The following USP34 variants were observed in gnomAD, a reference collection of about 807,000 sequenced individuals.
USP34 encodes the protein ubiquitin specific peptidase 34, also known as ubiquitin carboxyl-terminal hydrolase 34.
A neutral mutation model predicts 460.3 loss-of-function variants in USP34; 70 were observed. That is an observed-to-expected ratio of 0.15 (90% CI 0.13 to 0.19). USP34 has a LOEUF of 0.19. Among genes scored for constraint, USP34 ranks in the 10% least tolerant of loss-of-function variants. The pLI is 1.00. For missense variants in USP34, 3,985 were observed against 4,236.2 expected (o/e 0.94, Z 1.65); for synonymous variants, 1,647 against 1,405.3 (o/e 1.17, Z -3.85).
At chr2:61,396,940 C>T (rs1693548937) in intron 3 of USP34, among the ~76,000 whole-genome samples, 1 of 152,118 alleles carries the variant, frequency 6.6e-6, no homozygotes, top group South Asian at 2.1e-4. Flanking sequence ...TTTAAGGTTA[C>T]ATCTTTAAAA....
At chr2:61,301,263 A>C in intron 28 of USP34, 91 bp downstream of exon 28, 1 of 1,515,934 alleles carries the variant, frequency 6.6e-7, no homozygotes, top group Non-Finnish European at 9.0e-7. Context: ...ATAACAAAGC[A>C]ATAAGAGCTG....
intron 48 of USP34, among the ~76,000 whole-genome samples, chr2:61,252,563 G>A (rs1162399185): frequency 1.3e-5 from 2 of 152,140 alleles, no homozygotes; most frequent in African/African-American, 4.8e-5. Context: ...AATATCAAAC[G>A]AGAATTTATT....
At chr2:61,468,432 C>A (rs539529929) in intron 1 of USP34, among the ~76,000 whole-genome samples, 4 of 152,358 alleles carry the variant, frequency 2.6e-5, no homozygotes, top group Admixed American at 2.0e-4. Flanking sequence ...ATCCGCCAAC[C>A]TTGGCCTCGC....
intron 8 of USP34, among the ~76,000 whole-genome samples, chr2:61,374,450 T>C (rs1692729311): frequency 6.6e-6 from 1 of 152,204 alleles, no homozygotes; most frequent in African/African-American, 2.4e-5. Context: ...GGCATTTTCA[T>C]AGGCACTCAC....
chr2:61,403,647 A>G (rs1466953719), intron 3 of USP34, among the ~76,000 whole-genome samples: 4 of 152,146 alleles, frequency 2.6e-5, no homozygotes, highest in African/African-American at 9.7e-5. Context: ...CTGCTTTTAA[A>G]CACTCTTTCT....
At chr2:61,445,574 C>T (rs903209381) in intron 1 of USP34, among the ~76,000 whole-genome samples, 3 of 150,298 alleles carry the variant, frequency 2.0e-5, no homozygotes, top group Admixed American at 6.7e-5. Flanking sequence ...AAAATGATCC[C>T]GGATGAAAGC....
At chr2:61,194,890 T>C (rs1007059999) in intron 75 of USP34, among the ~76,000 whole-genome samples, 2 of 149,402 alleles carry the variant, frequency 1.3e-5, no homozygotes, top group Non-Finnish European at 3.0e-5. Context: ...CAGGCGGAGG[T>C]TGCGGTGAGC....
At chr2:61,460,074 C>T (rs992213121) in intron 1 of USP34, among the ~76,000 whole-genome samples, 1 of 152,074 alleles carries the variant, frequency 6.6e-6, no homozygotes, top group Non-Finnish European at 1.5e-5. Context: ...AAAAAAGATA[C>T]TTGAAAACAG....
chr2:61,274,669 A>G (rs1459340806), intron 41 of USP34, among the ~76,000 whole-genome samples: 1 of 152,224 alleles, frequency 6.6e-6, no homozygotes, highest in African/African-American at 2.4e-5. Context: ...CTTTGCACCT[A>G]TCAGACTGGT....
At chr2:61,363,411 T>C (rs1692331190) in intron 10 of USP34, among the ~76,000 whole-genome samples, 1 of 152,188 alleles carries the variant, frequency 6.6e-6, no homozygotes, top group South Asian at 2.1e-4. Context: ...AAATGCCCTC[T>C]TGTGAACATC....
intron 23 of USP34, 101 bp downstream of exon 23, chr2:61,317,553 G>T: frequency 1.0e-6 from 1 of 994,406 alleles, no homozygotes. Context: ...CACTGCACAG[G>T]TAGTAAATTC....
In USP34 at chr2:61,428,033, C is replaced by T. The variant is rs532090533; in HGVS notation, c.44-7200G>A. On this transcript the variant is annotated intron_variant, in intron 1 of 79. Transcript: ENST00000398571. Reference sequence around the variant, plus strand: ...CAAAAAAACTAGCCGGGCATGGTGGCGTGTGCCTGTAGTCCCAGCTACTTG... The same window carrying T: ...CAAAAAAACTAGCCGGGCATGGTGGTGTGTGCCTGTAGTCCCAGCTACTTG... Among the ~76,000 whole-genome samples, 7 of 151,958 alleles carry T rather than the reference C, an allele frequency of 4.6e-5. No individual in the cohort carries two copies. The East Asian group carries it at 5.8e-4, about 13-fold the overall frequency.
chr2:61,288,548 C>G (rs772004475), intron 34 of USP34, 129 bp downstream of exon 34: 1 of 915,930 alleles, frequency 1.1e-6, no homozygotes, highest in Admixed American at 2.2e-5. Flanking sequence ...TGCTTTAAAA[C>G]AATGCCGTCA....
At chr2:61,311,734 A>C in intron 26 of USP34, 47 bp from the exon 27 acceptor site, 1 of 1,610,200 alleles carries the variant, frequency 6.2e-7, no homozygotes. Flanking sequence ...AAGAACAGAT[A>C]TTTGACCTGG....
At position 61,343,921 on chromosome 2, in the gene USP34, T is replaced by C. The variant is rs1337999024; in HGVS notation, c.2394A>G (p.Gly798=). 5.0e-6 allele frequency: 8 copies of C among 1,613,888 alleles called. No individual in the cohort carries two copies. The highest frequency in any genetic ancestry group is 1.3e-5 in the African/African-American group (1 of 74,922). ...NMADFDGEES[G]CEEELVQINS... is the part of the protein sequence containing the mutation. ...TAATCTGAACTAGCTCCTCTTCACA[T>C]CCAGATTCTTCACCATCAAAATCAG... is the stretch of plus-strand genomic sequence containing the variant. The change falls in exon 16 of 80, where the codon GGA becomes GGG. Residue 798 remains glycine (G), a synonymous_variant. Coordinates refer to ENST00000398571, the MANE Select transcript of USP34 (RefSeq NM_014709.4).
At chr2:61,212,972 T>C (rs1572840011) in intron 68 of USP34, among the ~76,000 whole-genome samples, 3 of 152,298 alleles carry the variant, frequency 2.0e-5, no homozygotes, top group South Asian at 2.1e-4. Context: ...TCTTATGGCA[T>C]TGGTTTTCAA....
intron 1 of USP34, among the ~76,000 whole-genome samples, chr2:61,446,032 GAACCC>G (rs1695105282): frequency 7.1e-6 from 1 of 140,800 alleles, no homozygotes; most frequent in African/African-American, 2.7e-5. Context: ...AGAATCACCT[GAACCC>G]AGGAAGGCAG....
At position 61,314,708 on chromosome 2, in the gene USP34, C is replaced by G. The variant is rs199739219; in HGVS notation, c.3419G>C (p.Ser1140Thr). The part of the protein sequence containing the change: ...TGLEKEQEFI[S>T]KCMESLMIAS... ...TATCATAAGACTCTCCATGCACTTA[C>G]TAATAAATTCTTGCTCCTTCTCCAA... The change falls in exon 25 of 80, where the codon AGT (serine) becomes ACT (threonine). Residue 1140 changes from serine to threonine, a missense_variant. Ser to Thr is a moderately conservative substitution (Grantham distance 58, BLOSUM62 1). Transcript: ENST00000398571. 34 of 1,589,314 alleles carry G rather than the reference C, an allele frequency of 2.1e-5. No homozygotes were observed. In the Admixed American group the frequency reaches 2.8e-4, roughly 13 times the overall value.
chr2:61,420,666 A>G (rs369346458), intron 2 of USP34, 80 bp downstream of exon 2: 2 of 1,028,438 alleles, frequency 1.9e-6, no homozygotes, highest in South Asian at 1.8e-5. Context: ...AACACCCTAA[A>G]AAGAAAATGT....
Sources: allele counts gnomAD v4.1 joint callset (sites outside exome capture counted in the v4.1 genomes callset), GRCh38; gene constraint gnomAD v4.1.1; transcripts MANE v1.5; gene names NCBI Gene and HGNC (gene_info 2026-07-23, HGNC 2026-07-21).